The following EPS8 variants were observed in gnomAD, a reference collection of about 807,000 sequenced individuals.
The protein encoded by EPS8 is EGFR pathway substrate 8, signaling adaptor.
EPS8 carries 42 observed loss-of-function variants against 103.8 expected under a neutral mutation model. That is an observed-to-expected ratio of 0.40 (90% CI 0.32 to 0.52). The LOEUF (loss-of-function observed/expected upper bound fraction) is 0.52, where lower values mean the gene tolerates loss of function less well. EPS8 is among the 20% of genes least tolerant of loss of function. The pLI is 0.40. For missense variants in EPS8, 969 were observed against 1,005.1 expected (o/e 0.96, Z 0.49); for synonymous variants, 344 against 344.6 (o/e 1.00, Z 0.02).
intron 3 of EPS8, among the ~76,000 whole-genome samples, chr12:15,677,324 G>A (rs1945925230): frequency 6.6e-6 from 1 of 152,174 alleles, no homozygotes; most frequent in African/African-American, 2.4e-5. Flanking sequence ...GCAGTACCAT[G>A]ATTCAGATCC....
intron 6 of EPS8, among the ~76,000 whole-genome samples, chr12:15,668,807 T>G (rs1299269410): frequency 3.3e-5 from 5 of 152,194 alleles, no homozygotes; most frequent in Admixed American, 2.6e-4. Context: ...CAAAGCAAGA[T>G]TTCTGAACAA....
In EPS8 at chr12:15,769,536, A is replaced by G. The variant is rs995481403; in HGVS notation, c.-22+19625T>C. Among the ~76,000 whole-genome samples, 1 of 151,998 alleles carries G rather than the reference A, an allele frequency of 6.6e-6. No individual in the cohort carries two copies. Among genetic ancestry groups the G allele is most frequent in the Admixed American group, 6.5e-5 (1 of 15,280 alleles). On this transcript the variant is annotated intron_variant, in intron 1 of 20. Coordinates refer to ENST00000281172, the MANE Select transcript of EPS8 (RefSeq NM_004447.6). This position sits in a 1 kb window ranked among gnomAD's most constrained non-coding sequence, Gnocchi z 4.6. ...ACGCTCTTGTTGGCAAATATTAAGA[A>G]AAAACATTTTCACAGAAATATCTTG...
chr12:15,675,134 T>C lies in EPS8; in HGVS notation c.137-4211A>G, dbSNP rs559180537. Among the ~76,000 whole-genome samples, 42 of 152,320 alleles carry C rather than the reference T, an allele frequency of 2.8e-4. No homozygotes were observed. The South Asian group carries it at 8.7e-3, about 32-fold the overall frequency. On this transcript the variant is annotated intron_variant, in intron 3 of 20. Transcript: ENST00000281172. ...CAAAAGAGTTGAATCAAGCACTGTG[T>C]AGAACTAAAGTTTATAGTAAACCCA... is the stretch of plus-strand genomic sequence containing the variant.
chr12:15,764,951 C>T lies in EPS8; in HGVS notation c.-22+24210G>A, dbSNP rs1947078193. 6.6e-6 allele frequency among the ~76,000 whole-genome samples: 1 copy of T among 152,154 alleles called. No individual in the cohort carries two copies. Among genetic ancestry groups the T allele is most frequent in the Non-Finnish European group, 1.5e-5 (1 of 68,028 alleles). On this transcript the variant is annotated intron_variant, in intron 1 of 20. Transcript: ENST00000281172. The surrounding 1 kb of genome is among the most constrained non-coding windows in gnomAD (Gnocchi z 4.1). ...AAACAGAAGACCATTAATCATTTTC[C>T]ATTGAATTATTTTATATTGAAAGTC...
At position 15,733,170 on chromosome 12, in the gene EPS8, G is replaced by A. The variant is rs1241892755; in HGVS notation, c.-21-50198C>T. Among the ~76,000 whole-genome samples the A allele has an allele frequency of 2.0e-5, 3 of 152,168 alleles. No individual in the cohort carries two copies. The highest frequency in any genetic ancestry group is 2.0e-4 in the Admixed American group (3 of 15,284). The stretch of plus-strand genomic sequence containing the variant: ...ATTGGGTAATTTATAAAGGAAAGAG[G>A]TTTAATTGACTCACAGTTCCACGGG... On this transcript the variant is annotated intron_variant, in intron 1 of 20. Coordinates refer to ENST00000281172, the MANE Select transcript of EPS8 (RefSeq NM_004447.6). The surrounding 1 kb of genome is among the most constrained non-coding windows in gnomAD (Gnocchi z 4.8).
chr12:15,710,218 A>G (rs1280972494), intron 1 of EPS8, among the ~76,000 whole-genome samples: 1 of 152,238 alleles, frequency 6.6e-6, no homozygotes, highest in African/African-American at 2.4e-5. Context: ...GAAGATAAAG[A>G]ATCCAATGGA....
chr12:15,657,630 GTCAGAGACAGTTCAA>G (rs2135805963), intron 12 of EPS8, among the ~76,000 whole-genome samples: 1 of 152,276 alleles, frequency 6.6e-6, no homozygotes, highest in East Asian at 1.9e-4. Context: ...GAATAAACAA[GTCAGAGACAGTTCAA>G]GAGATGAAGG....
chr12:15,668,785 A>C (rs569454217), intron 6 of EPS8, among the ~76,000 whole-genome samples: 1 of 152,342 alleles, frequency 6.6e-6, no homozygotes, highest in African/African-American at 2.4e-5. Context: ...TTACATGATT[A>C]TTTACTGTCC....
rs1946126996 is a variant in EPS8, at chr12:15,688,550, A to G, written c.-21-5578T>C. Among the ~76,000 whole-genome samples the G allele has an allele frequency of 6.6e-6, 1 of 152,138 alleles. No homozygotes were observed. Among genetic ancestry groups the G allele is most frequent in the South Asian group, 2.1e-4 (1 of 4,824 alleles). The stretch of plus-strand genomic sequence containing the variant: ...CAGGCAGGCACATAAGCAGCTGGAC[A>G]TTGAGAGGGGCACATCGGCAGAGGA... On this transcript the variant is annotated intron_variant, in intron 1 of 20. Coordinates refer to ENST00000281172, the MANE Select transcript of EPS8 (RefSeq NM_004447.6). This position sits in a 1 kb window ranked among gnomAD's most constrained non-coding sequence, Gnocchi z 5.1.
chr12:15,669,499 T>C lies in EPS8; in HGVS notation c.404A>G (p.His135Arg), dbSNP rs761936138. The change falls in exon 6 of 21, where the codon CAC becomes CGC. Residue 135 changes from histidine (H) to arginine (R), a missense_variant. Physicochemically the swap from His to Arg is conservative, Grantham distance 29. Coordinates refer to ENST00000281172, the MANE Select transcript of EPS8 (RefSeq NM_004447.6). ...LENFPLNTIQ[H>R]CQAVMHSCSY... ...GCATGAATGCATCACAGCTTGGCAG[T>C]GCTGGATTGTGTTTAAAGGAAAATT... The C allele has an allele frequency of 3.7e-6, 6 of 1,609,674 alleles. No homozygotes were observed. The East Asian group carries it at 8.9e-5, about 24-fold the overall frequency.
chr12:15,774,659 TAC>T (rs1338435482), intron 1 of EPS8, among the ~76,000 whole-genome samples: 2 of 147,420 alleles, frequency 1.4e-5, no homozygotes, highest in Non-Finnish European at 3.0e-5. Flanking sequence ...AAAATATATA[TAC>T]ACACATATAT....
intron 1 of EPS8, among the ~76,000 whole-genome samples, chr12:15,783,563 C>A (rs1333839626): frequency 6.6e-6 from 1 of 152,082 alleles, no homozygotes; most frequent in African/African-American, 2.4e-5. Flanking sequence ...ACATCAACTG[C>A]CTCTTCTCAA....
intron 3 of EPS8, among the ~76,000 whole-genome samples, chr12:15,680,406 G>A (rs1175837318): frequency 6.6e-6 from 1 of 152,084 alleles, no homozygotes; most frequent in Admixed American, 6.5e-5. Context: ...TAAGTATTTT[G>A]CATGTACTAA....
intron 3 of EPS8, among the ~76,000 whole-genome samples, chr12:15,673,035 T>C (rs943281044): frequency 6.6e-6 from 1 of 152,196 alleles, no homozygotes; most frequent in Non-Finnish European, 1.5e-5. Context: ...GTATTAAGAA[T>C]TTATCCCTGA....
chr12:15,763,532 T>G (rs1434383312), intron 1 of EPS8, among the ~76,000 whole-genome samples: 5 of 152,170 alleles, frequency 3.3e-5, no homozygotes, highest in African/African-American at 7.2e-5. Flanking sequence ...CCTGCACCAG[T>G]GACTGTGCCA....
intron 1 of EPS8, among the ~76,000 whole-genome samples, chr12:15,691,470 T>C (rs1946170840): frequency 6.6e-6 from 1 of 152,146 alleles, no homozygotes; most frequent in African/African-American, 2.4e-5. Flanking sequence ...TCATTTATAG[T>C]ACAATGTGGC....
At chr12:15,634,966 CAT>C (rs1945110599) in intron 17 of EPS8, among the ~76,000 whole-genome samples, 1 of 152,110 alleles carries the variant, frequency 6.6e-6, no homozygotes, top group African/African-American at 2.4e-5. Context: ...GAAAACTAAT[CAT>C]ATAGATTCTA....
In EPS8 at chr12:15,669,736, G is replaced by T. The variant is rs1471616702; in HGVS notation, c.294C>A (p.Gly98=). ...GAATCATATCTTGAGTCCACACTTT[G>T]CCCTTGGCATCAAGCAATTTCAATT... ...IRKLKLLDAK[G]KVWTQDMILQ... The change falls in exon 5 of 21, where the codon GGC becomes GGA. Residue 98 remains glycine, a synonymous_variant. Coordinates refer to ENST00000281172, the MANE Select transcript of EPS8 (RefSeq NM_004447.6). 1 of 1,613,620 alleles carries T rather than the reference G, an allele frequency of 6.2e-7. No individual in the cohort carries two copies. Among genetic ancestry groups the T allele is most frequent in the Non-Finnish European group, 8.5e-7 (1 of 1,179,762 alleles).
intron 3 of EPS8, among the ~76,000 whole-genome samples, chr12:15,673,574 A>G (rs1310263205): frequency 6.6e-6 from 1 of 152,164 alleles, no homozygotes; most frequent in East Asian, 1.9e-4. Flanking sequence ...TCCTCTAATG[A>G]AATTCACCAC....
Sources: gnomAD v4.1 joint callset for allele counts (sites outside exome capture counted in the v4.1 genomes callset) on GRCh38, gnomAD v4.1.1 for gene constraint, Gnocchi (gnomAD v3.1) non-coding constraint, MANE v1.5 for transcripts, NCBI Gene and HGNC (gene_info 2026-07-23, HGNC 2026-07-21) for gene names.